The following NUP210L variants were observed in gnomAD, a reference collection of about 807,000 sequenced individuals.
NUP210L encodes the protein nuclear pore membrane glycoprotein 210-like.
A neutral mutation model predicts 208.5 loss-of-function variants in NUP210L; 74 were observed. The ratio of observed to expected loss-of-function variants is 0.35; its 90% CI spans 0.29 to 0.43. The LOEUF is 0.43. Among genes scored for constraint, NUP210L ranks in the 20% least tolerant of loss-of-function variants. The probability of loss-of-function intolerance (pLI) is 1.00; values close to 1 mark genes in which losing one functional copy is unlikely to be tolerated. For synonymous variants in NUP210L, 780 were observed against 816.9 expected (o/e 0.95, Z 0.77); for missense variants, 1,843 against 2,289.4 (o/e 0.81, Z 3.98).
At chr1:154,039,049 A>G (rs1157514075) in intron 27 of NUP210L, among the ~76,000 whole-genome samples, 1 of 152,070 alleles carries the variant, frequency 6.6e-6, no homozygotes, top group African/African-American at 2.4e-5. Flanking sequence ...ATACACCACA[A>G]TTACAGCGTT....
intron 32 of NUP210L, among the ~76,000 whole-genome samples, chr1:154,021,455 C>T (rs1264765162): frequency 6.6e-6 from 1 of 151,666 alleles, no homozygotes; most frequent in Non-Finnish European, 1.5e-5. Flanking sequence ...TCACTGCCCA[C>T]TGCCCTCCAG....
At chr1:154,086,811 T>G (rs1219184840) in intron 16 of NUP210L, among the ~76,000 whole-genome samples, 1 of 151,284 alleles carries the variant, frequency 6.6e-6, no homozygotes, top group South Asian at 2.1e-4. Context: ...TGAGACCCTG[T>G]GTCTTAAAAA....
intron 31 of NUP210L, 54 bp downstream of exon 31, chr1:154,023,068 C>T: frequency 1.4e-6 from 2 of 1,460,156 alleles, no homozygotes; most frequent in Non-Finnish European, 1.9e-6. Flanking sequence ...TAATACTAGC[C>T]TAATATGCAA....
chr1:153,993,492 G>A (rs2147872274), intron 38 of NUP210L, among the ~76,000 whole-genome samples: 1 of 152,104 alleles, frequency 6.6e-6, no homozygotes, highest in East Asian at 1.9e-4. Flanking sequence ...TGTGAACCTG[G>A]GAGGCGGAGC....
In NUP210L at chr1:153,992,857, C is replaced by T. The variant is rs1234070696; in HGVS notation, c.5645G>A (p.Trp1882Ter). 5 of 1,612,952 alleles carry T rather than the reference C, an allele frequency of 3.1e-6. No homozygotes were observed. The highest frequency in any genetic ancestry group is 3.4e-6 in the Non-Finnish European group (4 of 1,179,476). The change falls in exon 40 of 40, where the codon TGG becomes TAG. Residue 1882 changes from tryptophan (W) to a stop codon, truncating the protein, a stop_gained. Transcript: ENST00000368559. LOFTEE classifies it high-confidence loss of function. Reference sequence around the variant, plus strand: ...AGGTTAGTGCCTTATACTCCATAACCAATGTTGCAGCCGACTTTGGGCCAA... The same window carrying T: ...AGGTTAGTGCCTTATACTCCATAACTAATGTTGCAGCCGACTTTGGGCCAA...
At chr1:154,140,666 C>CAAAA (rs1434093544) in intron 4 of NUP210L, among the ~76,000 whole-genome samples, 13 of 102,466 alleles carry the variant, frequency 1.3e-4, no homozygotes, top group Non-Finnish European at 2.2e-4. Flanking sequence ...GACTCCATCT[C>CAAAA]AAAAAAAAAA....
At chr1:154,084,789 TAA>T (rs35270818) in intron 16 of NUP210L, among the ~76,000 whole-genome samples, 2 of 137,894 alleles carry the variant, frequency 1.5e-5, no homozygotes, top group Non-Finnish European at 1.6e-5. Context: ...CATATTTCTT[TAA>T]AAAAAAAAAA....
At chr1:154,103,683 A>C (rs541813574) in intron 13 of NUP210L, among the ~76,000 whole-genome samples, 6 of 150,540 alleles carry the variant, frequency 4.0e-5, no homozygotes, top group Non-Finnish European at 8.9e-5. Context: ...AAAAAAAAAA[A>C]AAAAAGAAAA....
rs187121246 is a variant in NUP210L, at chr1:154,007,894, C to T, written c.4930+2078G>A. On this transcript the variant is annotated intron_variant, in intron 35 of 39. Transcript: ENST00000368559. ...CGGCCTTATTTATTTATTTTTGAGA[C>T]GGAGTCTTGCTCTGTTGCCTAGGCT... 1.4e-3 allele frequency among the ~76,000 whole-genome samples: 205 copies of T among 146,422 alleles called. 2 individuals are homozygous for T. The highest frequency in any genetic ancestry group is 5.0e-3 in the African/African-American group (197 of 39,202).
chr1:154,033,840 G>A (rs1169491573), intron 27 of NUP210L, among the ~76,000 whole-genome samples: 1 of 152,154 alleles, frequency 6.6e-6, no homozygotes, highest in Non-Finnish European at 1.5e-5. Context: ...ACTCTGAGTA[G>A]TATGGGTATT....
Position 154,000,842 on chromosome 1 carries a change from T to A in NUP210L, c.5386+14A>T, listed in dbSNP as rs775793631. ...TTCCTCTCTAGATTATAAATAGGAA[T>A]CTCTGATGCTTACCTGCACCCAACT... On this transcript the variant is annotated intron_variant, in intron 37 of 39. Transcript: ENST00000368559. 2 of 1,602,222 alleles carry A rather than the reference T, an allele frequency of 1.2e-6. No homozygotes were observed. The highest frequency in any genetic ancestry group is 2.7e-5 in the African/African-American group (2 of 74,708).
At position 154,097,008 on chromosome 1, in the gene NUP210L, G is replaced by C. The variant is rs371383477; in HGVS notation, c.1966-1852C>G. Among the ~76,000 whole-genome samples, 210 of 152,284 alleles carry C rather than the reference G, an allele frequency of 1.4e-3. 2 individuals are homozygous for C. The highest frequency in any genetic ancestry group is 4.8e-3 in the African/African-American group (201 of 41,558). Reference sequence around the variant, plus strand: ...AGGCACAAGAATCGCTTGAACCTAGGGGGTGGAGGTTGCCGAGATTGCACC... The same window carrying C: ...AGGCACAAGAATCGCTTGAACCTAGCGGGTGGAGGTTGCCGAGATTGCACC... On this transcript the variant is annotated intron_variant, in intron 14 of 39. Coordinates refer to ENST00000368559, the Ensembl canonical transcript of NUP210L.
At chr1:154,027,432 C>A (rs1651954620) in intron 29 of NUP210L, 74 bp downstream of exon 29, 1 of 1,068,252 alleles carries the variant, frequency 9.4e-7, no homozygotes, top group South Asian at 1.4e-5. Flanking sequence ...CAAAAGTGTT[C>A]TTTCTATGTC....
intron 2 of NUP210L, among the ~76,000 whole-genome samples, chr1:154,146,394 A>G (rs1221827366): frequency 6.6e-6 from 1 of 152,154 alleles, no homozygotes; most frequent in Non-Finnish European, 1.5e-5. Flanking sequence ...TAAGTATGGA[A>G]TATATGAAGG....
chr1:154,107,331 G>A (rs975718889), intron 12 of NUP210L, among the ~76,000 whole-genome samples: 12 of 151,732 alleles, frequency 7.9e-5, no homozygotes, highest in Middle Eastern at 3.2e-3. Flanking sequence ...AAAATTAGCC[G>A]GGCGTGTTGG....
chr1:154,102,365 T>A (rs1175982007), intron 13 of NUP210L, among the ~76,000 whole-genome samples: 1 of 152,004 alleles, frequency 6.6e-6, no homozygotes, highest in Non-Finnish European at 1.5e-5. Context: ...ATACCAAAGT[T>A]GAGTTCATGA....
intron 19 of NUP210L, 70 bp downstream of exon 19, chr1:154,060,872 G>T: frequency 1.8e-6 from 2 of 1,089,052 alleles, no homozygotes; most frequent in Non-Finnish European, 2.8e-6. Context: ...TTTTTTAATT[G>T]TTATGCTATT....
chr1:154,092,708 A>C (rs953240534), intron 15 of NUP210L, among the ~76,000 whole-genome samples: 2 of 150,980 alleles, frequency 1.3e-5, no homozygotes, highest in African/African-American at 2.4e-5. Context: ...TTTAATGGGT[A>C]TAGAGTTTCT....
exon 2 of NUP210L, chr1:154,152,859 G>A (rs1659469960): frequency 1.2e-6 from 2 of 1,614,084 alleles, no homozygotes; most frequent in East Asian, 4.5e-5. Context: ...ACTGCATCAT[G>A]ATGGGTGGAA....
Sources: allele counts gnomAD v4.1 joint callset (sites outside exome capture counted in the v4.1 genomes callset), GRCh38; gene constraint gnomAD v4.1.1; transcripts MANE v1.5; gene names NCBI Gene and HGNC (gene_info 2026-07-23, HGNC 2026-07-21).